Variants in SERGEF observed in about 807,000 individuals in gnomAD.
SERGEF encodes the protein secretion-regulating guanine nucleotide exchange factor.
A neutral mutation model predicts 50.0 loss-of-function variants in SERGEF; 51 were observed. The ratio of observed to expected loss-of-function variants is 1.02; its 90% CI spans 0.81 to 1.29. The LOEUF is 1.29. Ranked by LOEUF, SERGEF falls within the 50% of genes most tolerant of loss-of-function variation. SERGEF has a pLI of 0.00. For missense variants in SERGEF, 521 were observed against 557.0 expected, an observed-to-expected ratio of 0.94 and a Z score of 0.65; for synonymous variants, 205 against 212.4, an observed-to-expected ratio of 0.97 and a Z score of 0.30.
chr11:17,895,122 A>G (rs543790260), intron 9 of SERGEF, among the ~76,000 whole-genome samples: 1 of 152,326 alleles, frequency 6.6e-6, no homozygotes, highest in Non-Finnish European at 1.5e-5. Context: ...TGGCTGGGCC[A>G]CTGCCAGGCA....
intron 9 of SERGEF, among the ~76,000 whole-genome samples, chr11:17,899,877 G>A (rs1851715771): frequency 6.6e-6 from 1 of 151,258 alleles, no homozygotes; most frequent in Admixed American, 6.6e-5. Context: ...GATGGCTTGA[G>A]CCCAGGAGTT....
intron 10 of SERGEF, among the ~76,000 whole-genome samples, chr11:17,796,167 T>A (rs896222806): frequency 6.6e-6 from 1 of 152,136 alleles, no homozygotes; most frequent in African/African-American, 2.4e-5. Context: ...CAGAGATGAT[T>A]TTAAAAATAA....
intron 9 of SERGEF, among the ~76,000 whole-genome samples, chr11:17,931,513 C>A (rs1852352092): frequency 6.6e-6 from 1 of 152,140 alleles, no homozygotes; most frequent in Admixed American, 6.6e-5. Flanking sequence ...TATGTCCTAC[C>A]CATTCTTCTT....
chr11:17,906,801 A>T (rs35732861), intron 9 of SERGEF, among the ~76,000 whole-genome samples: 2 of 149,552 alleles, frequency 1.3e-5, no homozygotes, highest in Admixed American at 6.7e-5. Flanking sequence ...CGTAATTTCC[A>T]CAGCCATACA....
intron 7 of SERGEF, among the ~76,000 whole-genome samples, chr11:17,992,249 T>C (rs1168937836): frequency 6.6e-6 from 1 of 152,154 alleles, no homozygotes; most frequent in Non-Finnish European, 1.5e-5. Flanking sequence ...TTTACAAAAC[T>C]ACATATCTAG....
At chr11:17,833,918 A>T (rs894775962) in intron 10 of SERGEF, among the ~76,000 whole-genome samples, 1 of 152,164 alleles carries the variant, frequency 6.6e-6, no homozygotes, top group African/African-American at 2.4e-5. Context: ...GGCAGAAGGG[A>T]CTTGCCTGGT....
chr11:18,010,493 G>A (rs1019791966), intron 1 of SERGEF, among the ~76,000 whole-genome samples: 2 of 152,156 alleles, frequency 1.3e-5, no homozygotes, highest in Non-Finnish European at 2.9e-5. Flanking sequence ...CTGATGCCCT[G>A]CACCTTTTAC....
intron 9 of SERGEF, among the ~76,000 whole-genome samples, chr11:17,897,845 C>T (rs1237587354): frequency 6.6e-6 from 1 of 152,150 alleles, no homozygotes; most frequent in Non-Finnish European, 1.5e-5. Context: ...TGGGGAGGTC[C>T]ACTCACAAAA....
intron 10 of SERGEF, among the ~76,000 whole-genome samples, chr11:17,840,080 C>T (rs1850474364): frequency 6.6e-6 from 1 of 152,248 alleles, no homozygotes; most frequent in Non-Finnish European, 1.5e-5. Flanking sequence ...CATGTGGTCA[C>T]CTGGCCTCTG....
chr11:18,004,733 C>T (rs1854037391), intron 3 of SERGEF, among the ~76,000 whole-genome samples, 198 bp from the exon 4 acceptor site: 1 of 152,190 alleles, frequency 6.6e-6, no homozygotes, highest in Non-Finnish European at 1.5e-5. Flanking sequence ...ATTGTCTATT[C>T]TATTCTCTCA....
chr11:17,994,062 C>T (rs1853777534), intron 6 of SERGEF, among the ~76,000 whole-genome samples: 1 of 152,152 alleles, frequency 6.6e-6, no homozygotes, highest in African/African-American at 2.4e-5. Context: ...CAAAATGACA[C>T]ACCGCTTCCA....
chr11:17,958,013 T>C (rs958438956), intron 9 of SERGEF, among the ~76,000 whole-genome samples: 1 of 152,238 alleles, frequency 6.6e-6, no homozygotes, highest in African/African-American at 2.4e-5. Flanking sequence ...AAATCTTCCA[T>C]AATATTAAGT....
At chr11:17,855,256 T>C (rs971034179) in intron 10 of SERGEF, 2 of 152,202 alleles carry the variant, frequency 1.3e-5, no homozygotes, top group African/African-American at 4.8e-5. Flanking sequence ...AGATGTGCTA[T>C]TGGAGCCCTT....
chr11:17,855,133 T>A (rs544823120), intron 10 of SERGEF: 3 of 152,342 alleles, frequency 2.0e-5, no homozygotes, highest in East Asian at 3.9e-4. Context: ...TTACTTTTTA[T>A]ACAAAATTAT....
At position 18,000,520 on chromosome 11, in the gene SERGEF, A is replaced by G; in HGVS notation, c.485T>C (p.Leu162Pro). Residue 162 changes from leucine to proline, a missense_variant, in exon 5 of 11, where the codon CTG (leucine) becomes CCG (proline). Transcript: ENST00000265965. Reference protein sequence around the residue: ...KEKVVCIAAGLRHAVAATASG... With the variant: ...KEKVVCIAAGPRHAVAATASG... ...ACCTGTAGCAGCTACTGCATGCCTC[A>G]GTCCAGCAGCAATACAAACAACCTT... is the stretch of plus-strand genomic sequence containing the variant. The G allele has an allele frequency of 1.3e-6, 2 of 1,586,950 alleles. No homozygotes were observed. Among genetic ancestry groups the G allele is most frequent in the East Asian group, 2.3e-5 (1 of 44,424 alleles).
intron 9 of SERGEF, among the ~76,000 whole-genome samples, chr11:17,933,575 T>C (rs1328986121): frequency 6.6e-6 from 1 of 152,154 alleles, no homozygotes; most frequent in African/African-American, 2.4e-5. Flanking sequence ...ATATCTGCCA[T>C]AATTCAACAA....
At chr11:17,941,613 C>T (rs1590209902) in intron 9 of SERGEF, among the ~76,000 whole-genome samples, 1 of 152,140 alleles carries the variant, frequency 6.6e-6, no homozygotes, top group Non-Finnish European at 1.5e-5. Flanking sequence ...TATATATCTT[C>T]ACGATTCTGC....
chr11:17,870,748 A>G (rs1851123596), intron 10 of SERGEF, among the ~76,000 whole-genome samples: 1 of 152,230 alleles, frequency 6.6e-6, no homozygotes, highest in Non-Finnish European at 1.5e-5. Flanking sequence ...CATTTATAAT[A>G]ACTAAAATTA....
chr11:17,950,897 G>A (rs1485707072), intron 9 of SERGEF, among the ~76,000 whole-genome samples: 2 of 152,188 alleles, frequency 1.3e-5, no homozygotes, highest in Non-Finnish European at 2.9e-5. Flanking sequence ...GCAGAGCATG[G>A]TAGTAACATA....
Sources: gnomAD v4.1 joint callset for allele counts (sites outside exome capture counted in the v4.1 genomes callset) on GRCh38, gnomAD v4.1.1 for gene constraint, MANE v1.5 for transcripts, NCBI Gene and HGNC (gene_info 2026-07-23, HGNC 2026-07-21) for gene names.